Variants in SPOCK3 observed in about 807,000 individuals in gnomAD.
The protein encoded by SPOCK3 is SPARC (osteonectin), cwcv and kazal like domains proteoglycan 3.
Under a neutral mutation model 56.6 loss-of-function variants are expected in SPOCK3, and 30 were observed. The observed-to-expected ratio is 0.53, with a 90% confidence interval of 0.40 to 0.72. SPOCK3 has a LOEUF of 0.72. Ranked by LOEUF, SPOCK3 falls within the 30% of genes least tolerant of loss-of-function variation. SPOCK3 has a pLI of 0.00. For missense variants in SPOCK3, 527 were observed against 530.0 expected (o/e 0.99, Z 0.06); for synonymous variants, 196 against 183.3 (o/e 1.07, Z -0.56).
chr4:167,178,844 T>C (rs1731208583), intron 2 of SPOCK3, among the ~76,000 whole-genome samples: 1 of 152,114 alleles, frequency 6.6e-6, no homozygotes, highest in African/African-American at 2.4e-5. Context: ...AAATACATGG[T>C]ATTATAAAAT....
chr4:167,026,036 A>G (rs1470534442), intron 3 of SPOCK3, among the ~76,000 whole-genome samples: 4 of 152,102 alleles, frequency 2.6e-5, no homozygotes, highest in Non-Finnish European at 4.4e-5. Context: ...ATTATGTCAC[A>G]CTGCCACGTT....
intron 3 of SPOCK3, among the ~76,000 whole-genome samples, chr4:167,055,618 C>T (rs10022032): frequency 0.015 from 2,208 of 152,268 alleles, 44 homozygotes; most frequent in East Asian, 0.046. Flanking sequence ...GCTTTTCCAA[C>T]GGGCTTAAAA....
intron 3 of SPOCK3, among the ~76,000 whole-genome samples, chr4:167,056,532 CT>C (rs1256471136): frequency 6.6e-6 from 1 of 152,036 alleles, no homozygotes; most frequent in African/African-American, 2.4e-5. Context: ...AAGTTGAAAA[CT>C]TTGAAAAAAA....
intron 6 of SPOCK3, among the ~76,000 whole-genome samples, chr4:166,833,831 T>A (rs888052501): frequency 6.6e-6 from 1 of 152,154 alleles, no homozygotes; most frequent in Non-Finnish European, 1.5e-5. Flanking sequence ...CTGTCTTCTA[T>A]CTGTGGTTGC....
chr4:167,102,319 CATGG>C (rs1759723085), intron 2 of SPOCK3: 1 of 152,182 alleles, frequency 6.6e-6, no homozygotes, highest in Non-Finnish European at 1.5e-5. Flanking sequence ...GGCAGACCAA[CATGG>C]CTAAATAGAA....
chr4:167,127,345 T>C (rs1043545667), intron 2 of SPOCK3, among the ~76,000 whole-genome samples: 1 of 151,966 alleles, frequency 6.6e-6, no homozygotes, highest in Non-Finnish European at 1.5e-5. Context: ...CTTTCTTATA[T>C]TACAGAAAAA....
chr4:167,078,550 A>C (rs1385159218), intron 2 of SPOCK3, among the ~76,000 whole-genome samples: 1 of 151,762 alleles, frequency 6.6e-6, no homozygotes, highest in East Asian at 1.9e-4. Flanking sequence ...TGATGTATGC[A>C]TTCTGGAAAA....
chr4:166,804,293 C>T (rs1742926177), intron 6 of SPOCK3, among the ~76,000 whole-genome samples: 1 of 152,088 alleles, frequency 6.6e-6, no homozygotes, highest in Non-Finnish European at 1.5e-5. Context: ...TTTTCTTTGT[C>T]CTGTGGTGTC....
At chr4:167,222,734 T>A (rs1168260119) in intron 2 of SPOCK3, among the ~76,000 whole-genome samples, 1 of 130,674 alleles carries the variant, frequency 7.7e-6, no homozygotes, top group Non-Finnish European at 1.5e-5. Context: ...TATGAATATA[T>A]AAATATATAA....
chr4:167,065,994 T>C (rs1331707613), intron 2 of SPOCK3, among the ~76,000 whole-genome samples: 3 of 151,854 alleles, frequency 2.0e-5, no homozygotes, highest in Admixed American at 6.6e-5. Context: ...ATGGAGTGAG[T>C]TACAGACACC....
At chr4:167,111,779 A>G (rs550633841) in intron 2 of SPOCK3, among the ~76,000 whole-genome samples, 103 of 150,698 alleles carry the variant, frequency 6.8e-4, no homozygotes, top group African/African-American at 2.5e-3. Context: ...TTTTTTTGAG[A>G]CAAGGTCTTG....
rs1467015510 is a variant in SPOCK3, at chr4:166,951,363, T to C, written c.351-38620A>G. On this transcript the variant is annotated intron_variant, in intron 4 of 10. Transcript: ENST00000357545. ...TGGATAAATTCCTCGACACATACAC[T>C]CTCCCAAGACTAAACCAGGAAGAAG... 4.4e-5 allele frequency among the ~76,000 whole-genome samples: 6 copies of C among 136,364 alleles called. 1 individual carries two copies. Among genetic ancestry groups the C allele is most frequent in the East Asian group, 2.1e-4 (1 of 4,818 alleles). The allele number at this position is 136,364 out of a possible 152,430, so 89.5% of individuals were successfully genotyped here.
At chr4:166,828,422 C>T (rs1273082134) in intron 6 of SPOCK3, among the ~76,000 whole-genome samples, 1 of 151,764 alleles carries the variant, frequency 6.6e-6, no homozygotes, top group Non-Finnish European at 1.5e-5. Flanking sequence ...TGACTATTTT[C>T]AGGGAAGAAA....
At chr4:167,147,015 T>C (rs1020368232) in intron 2 of SPOCK3, among the ~76,000 whole-genome samples, 6 of 151,818 alleles carry the variant, frequency 4.0e-5, no homozygotes, top group Non-Finnish European at 7.4e-5. Context: ...AATCAATGAA[T>C]CCAGGAGTTG....
Position 166,811,131 on chromosome 4 carries a change from G to A in SPOCK3, c.590-18842C>T, listed in dbSNP as rs571358768. Among the ~76,000 whole-genome samples, 179 of 151,192 alleles carry A rather than the reference G, an allele frequency of 1.2e-3. 2 individuals are homozygous for A. The highest frequency in any genetic ancestry group is 3.9e-3 in the African/African-American group (163 of 41,290). ...TTCATTTGTGCATTTCTTCTATTTC[G>A]CATTCCCATTATCAATTGTTTTACC... On this transcript the variant is annotated intron_variant, in intron 6 of 10. Transcript: ENST00000357545.
intron 2 of SPOCK3, among the ~76,000 whole-genome samples, chr4:167,112,478 C>T (rs564373926): frequency 6.6e-6 from 1 of 152,230 alleles, no homozygotes; most frequent in South Asian, 2.1e-4. Flanking sequence ...AATGGGTTCA[C>T]TCTTTTCCTA....
intron 4 of SPOCK3, among the ~76,000 whole-genome samples, chr4:166,951,028 A>G (rs1742541861): frequency 7.4e-6 from 1 of 134,720 alleles, no homozygotes. Flanking sequence ...TAAAAGAACT[A>G]GAAAAGCAAG....
intron 4 of SPOCK3, among the ~76,000 whole-genome samples, chr4:166,933,964 A>G (rs527307814): frequency 6.6e-6 from 1 of 152,284 alleles, no homozygotes; most frequent in South Asian, 2.1e-4. Flanking sequence ...ACAGGTAATC[A>G]GGTCCTCTAT....
At chr4:167,215,358 C>T (rs1334019448) in intron 2 of SPOCK3, among the ~76,000 whole-genome samples, 1 of 152,074 alleles carries the variant, frequency 6.6e-6, no homozygotes, top group Non-Finnish European at 1.5e-5. Context: ...AGAAACACGG[C>T]TCTTTCCACT....
Sources: allele counts gnomAD v4.1 joint callset (sites outside exome capture counted in the v4.1 genomes callset), GRCh38; gene constraint gnomAD v4.1.1; transcripts MANE v1.5; gene names NCBI Gene and HGNC (gene_info 2026-07-23, HGNC 2026-07-21).